The following MYO16 variants were observed in gnomAD, a reference collection of about 807,000 sequenced individuals.
MYO16 encodes the protein myosin XVI.
MYO16 carries 94 observed loss-of-function variants against 205.3 expected under a neutral mutation model. The ratio of observed to expected loss-of-function variants is 0.46; its 90% CI spans 0.39 to 0.54. The LOEUF (loss-of-function observed/expected upper bound fraction) is 0.54, where lower values mean the gene tolerates loss of function less well. MYO16 is among the 20% of genes least tolerant of loss of function. The probability of loss-of-function intolerance (pLI) is 0.00; values close to 1 mark genes in which losing one functional copy is unlikely to be tolerated. For missense variants in MYO16, 2,315 were observed against 2,387.5 expected (o/e 0.97, Z 0.63); for synonymous variants, 988 against 954.0 (o/e 1.04, Z -0.66).
chr13:108,522,907 A>G, the MYO16 span, among the ~76,000 whole-genome samples: 2 of 152,176 alleles, frequency 1.3e-5, no homozygotes, highest in Non-Finnish European at 2.9e-5. Context: ...AATTCCAAAT[A>G]GGGTCATATT....
At chr13:108,578,535 TG>T in the MYO16 span, among the ~76,000 whole-genome samples, 1 of 152,172 alleles carries the variant, frequency 6.6e-6, no homozygotes, top group Non-Finnish European at 1.5e-5. Context: ...TATCCCTTTT[TG>T]TTTGGTGGGT....
At chr13:108,848,172 A>G (rs919510221) in intron 10 of MYO16, among the ~76,000 whole-genome samples, 1 of 152,128 alleles carries the variant, frequency 6.6e-6, no homozygotes, top group African/African-American at 2.4e-5. Flanking sequence ...TATCATTATT[A>G]TATAGACTGA....
In MYO16 at chr13:108,776,754, A is replaced by AT. The variant is rs534970936; in HGVS notation, c.508-8875dup. Among the ~76,000 whole-genome samples, 47 of 152,280 alleles carry AT rather than the reference A, an allele frequency of 3.1e-4. 1 individual carries two copies. In the South Asian group the frequency reaches 7.9e-3, roughly 26 times the overall value. On this transcript the variant is annotated intron_variant, in intron 4 of 34. Coordinates refer to ENST00000457511, the MANE Select transcript of MYO16 (RefSeq NM_001198950.3). ...CTTGCACCAGTAATATATTATCAAGATTTTTTATACTTTACCAGCATTAAC... is the reference window on the plus strand; with the variant it reads ...CTTGCACCAGTAATATATTATCAAGATTTTTTTATACTTTACCAGCATTAAC...
intron 1 of MYO16, among the ~76,000 whole-genome samples, chr13:108,656,474 G>A (rs867649326): frequency 1.7e-4 from 26 of 152,068 alleles, no homozygotes; most frequent in South Asian, 6.2e-4. Flanking sequence ...CCAGGTCAGC[G>A]GGGGATGGGT....
At chr13:108,879,313 A>G (rs1879486462) in intron 12 of MYO16, among the ~76,000 whole-genome samples, 1 of 152,234 alleles carries the variant, frequency 6.6e-6, no homozygotes, top group South Asian at 2.1e-4. Context: ...TATAATTTTA[A>G]ATGTGTGTAA....
At chr13:108,644,122 G>A (rs564657331) in intron 1 of MYO16, among the ~76,000 whole-genome samples, 7 of 152,042 alleles carry the variant, frequency 4.6e-5, no homozygotes, top group South Asian at 2.1e-4. Flanking sequence ...CTTGAGTTTC[G>A]GATCCTCAGC....
At chr13:108,553,198 T>A in the MYO16 span, among the ~76,000 whole-genome samples, 4 of 151,804 alleles carry the variant, frequency 2.6e-5, no homozygotes, top group African/African-American at 7.2e-5. Context: ...TTTGGTTAAG[T>A]TCAAGGCTGG....
chr13:108,624,594 T>C (rs1218131602), intron 1 of MYO16, among the ~76,000 whole-genome samples: 2 of 152,210 alleles, frequency 1.3e-5, no homozygotes, highest in Non-Finnish European at 2.9e-5. Context: ...CTGGAAAGAT[T>C]TCAAAGTGGT....
chr13:109,005,223 G>A (rs1885350603), intron 21 of MYO16, among the ~76,000 whole-genome samples: 1 of 152,062 alleles, frequency 6.6e-6, no homozygotes, highest in Non-Finnish European at 1.5e-5. Context: ...CCACAACATG[G>A]CAAGTTCTTC....
At chr13:108,997,415 GGA>G in intron 21 of MYO16, among the ~76,000 whole-genome samples, 1 of 117,788 alleles carries the variant, frequency 8.5e-6, no homozygotes, top group African/African-American at 3.1e-5. Context: ...TGGGAGGAAA[GGA>G]AAGGAAAGGA....
chr13:108,730,827 A>G (rs1248849354), intron 4 of MYO16, among the ~76,000 whole-genome samples: 2 of 152,198 alleles, frequency 1.3e-5, no homozygotes, highest in Non-Finnish European at 2.9e-5. Context: ...CGCTAAGTTC[A>G]TTAGGATGTG....
chr13:108,664,405 C>G (rs1881634380), intron 1 of MYO16, among the ~76,000 whole-genome samples: 1 of 152,132 alleles, frequency 6.6e-6, no homozygotes, highest in Non-Finnish European at 1.5e-5. Context: ...AAGTCACAAC[C>G]TCTCTCAACT....
intron 12 of MYO16, among the ~76,000 whole-genome samples, chr13:108,882,347 C>T (rs1235697784): frequency 6.6e-6 from 1 of 152,152 alleles, no homozygotes; most frequent in Non-Finnish European, 1.5e-5. Flanking sequence ...AACCACCATG[C>T]CCTTGACTCT....
intron 2 of MYO16, among the ~76,000 whole-genome samples, chr13:108,699,596 G>A (rs1057137631): frequency 6.6e-6 from 1 of 152,128 alleles, no homozygotes; most frequent in Non-Finnish European, 1.5e-5. Context: ...AGTTTATGAT[G>A]TTATAATACT....
chr13:108,640,268 G>A (rs1880442671), intron 1 of MYO16, among the ~76,000 whole-genome samples: 2 of 152,270 alleles, frequency 1.3e-5, no homozygotes, highest in East Asian at 3.9e-4. Context: ...AAGCAGGCTG[G>A]CATGAAGTGA....
rs753433824 is a variant in MYO16, at chr13:108,793,631, A to G, written c.732A>G (p.Gly244=). The change falls in exon 6 of 35, where the codon GGA becomes GGG. Residue 244 remains glycine (G), a synonymous_variant. Coordinates refer to ENST00000457511, the MANE Select transcript of MYO16 (RefSeq NM_001198950.3). ...ATGTCAATGAGAAAAACGATGAAGG[A>G]GTAACCCTGGTAAGTTCATATATTT... ...GGNVNEKNDE[G]VTLLHMACAS... is the part of the protein sequence containing the mutation. 1 of 1,613,624 alleles carries G rather than the reference A, an allele frequency of 6.2e-7. No homozygotes were observed. The highest frequency in any genetic ancestry group is 8.5e-7 in the Non-Finnish European group (1 of 1,179,626).
At chr13:109,143,914 T>C (rs923021190) in intron 32 of MYO16, among the ~76,000 whole-genome samples, 1 of 152,198 alleles carries the variant, frequency 6.6e-6, no homozygotes, top group Non-Finnish European at 1.5e-5. Context: ...ATAGTTGCTG[T>C]AGTAATAGAA....
intron 34 of MYO16, among the ~76,000 whole-genome samples, chr13:109,190,309 A>G (rs1406354643): frequency 6.6e-6 from 1 of 152,180 alleles, no homozygotes; most frequent in Non-Finnish European, 1.5e-5. Context: ...TGTACGGATA[A>G]CAATTGTTCC....
intron 1 of MYO16, 123 bp from the exon 2 acceptor site, chr13:108,665,763 G>A: frequency 9.7e-7 from 1 of 1,029,626 alleles, no homozygotes; most frequent in Non-Finnish European, 1.3e-6. Flanking sequence ...AATATCAAGT[G>A]CAAGGAGAAT....
Sources: allele counts gnomAD v4.1 joint callset (sites outside exome capture counted in the v4.1 genomes callset), GRCh38; gene constraint gnomAD v4.1.1; transcripts MANE v1.5; gene names NCBI Gene and HGNC (gene_info 2026-07-23, HGNC 2026-07-21).